Variants in SHANK2 observed in about 807,000 individuals in gnomAD.
The protein encoded by SHANK2 is SH3 and multiple ankyrin repeat domains 2, also known as SH3 and multiple ankyrin repeat domains protein 2.
Under a neutral mutation model 133.7 loss-of-function variants are expected in SHANK2, and 43 were observed. That is an observed-to-expected ratio of 0.32 (90% confidence interval 0.25 to 0.41). The LOEUF (loss-of-function observed/expected upper bound fraction) is 0.41, where lower values mean the gene tolerates loss of function less well. Ranked by LOEUF, SHANK2 falls within the 10% of genes least tolerant of loss-of-function variation. The pLI is 1.00. For synonymous variants in SHANK2, 1,017 were observed against 952.8 expected, an observed-to-expected ratio of 1.07 and a Z score of -1.24; for missense variants, 1,994 against 2,235.8, an observed-to-expected ratio of 0.89 and a Z score of 2.18.
At chr11:71,235,144 G>A (rs930122713) in intron 1 of SHANK2, among the ~76,000 whole-genome samples, 4 of 152,080 alleles carry the variant, frequency 2.6e-5, no homozygotes, top group Non-Finnish European at 4.4e-5. Context: ...AGTCCCTTTT[G>A]ACCCCACTGG....
At chr11:70,745,772 C>T (rs536231451) in intron 14 of SHANK2, among the ~76,000 whole-genome samples, 2 of 152,230 alleles carry the variant, frequency 1.3e-5, no homozygotes, top group Admixed American at 6.5e-5. Context: ...GGTCACCCGC[C>T]GCCTTGGAAG....
intron 2 of SHANK2, among the ~76,000 whole-genome samples, chr11:71,147,589 T>C (rs1952682294): frequency 6.6e-6 from 1 of 152,142 alleles, no homozygotes; most frequent in South Asian, 2.1e-4. Context: ...AGGAAAACCC[T>C]GCAAACTCTG....
chr11:70,905,546 G>T (rs1467104518), intron 10 of SHANK2, among the ~76,000 whole-genome samples: 2 of 152,200 alleles, frequency 1.3e-5, no homozygotes, highest in Non-Finnish European at 2.9e-5. Flanking sequence ...CAGTGTGAGG[G>T]TGTTAGGAGC....
intron 11 of SHANK2, among the ~76,000 whole-genome samples, chr11:70,831,550 C>T (rs1012198505): frequency 6.6e-6 from 1 of 152,208 alleles, no homozygotes; most frequent in African/African-American, 2.4e-5. Flanking sequence ...ACAGACTCAC[C>T]CCATACACTG....
At chr11:70,718,101 C>T (rs545083668) in intron 14 of SHANK2, among the ~76,000 whole-genome samples, 92 of 152,208 alleles carry the variant, frequency 6.0e-4, no homozygotes, top group Non-Finnish European at 8.8e-4. Flanking sequence ...TAAATAAGTA[C>T]GGGTGAAGGA....
intron 17 of SHANK2, among the ~76,000 whole-genome samples, chr11:70,610,538 G>A (rs2060644214): frequency 6.6e-6 from 1 of 152,218 alleles, no homozygotes; most frequent in Non-Finnish European, 1.5e-5. Context: ...CAGGCTGCTG[G>A]CCTTTGTTCT....
rs2060317518 is a variant in SHANK2, at chr11:70,591,298, G to A, written c.2061+68530C>T. On this transcript the variant is annotated intron_variant, in intron 17 of 25. Coordinates refer to ENST00000601538, the MANE Select transcript of SHANK2 (RefSeq NM_012309.5). Reference sequence around the variant, plus strand: ...ATCTGGGAGGCAGAGGTTGCAGTGAGCAGAGATCATGCCACTGCACTCCAG... The same window carrying A: ...ATCTGGGAGGCAGAGGTTGCAGTGAACAGAGATCATGCCACTGCACTCCAG... 2.0e-5 allele frequency among the ~76,000 whole-genome samples: 3 copies of A among 152,046 alleles called. No individual in the cohort carries two copies. In the South Asian group the frequency reaches 6.2e-4, roughly 32 times the overall value.
intron 11 of SHANK2, among the ~76,000 whole-genome samples, chr11:70,852,238 C>G (rs1007244123): frequency 6.6e-6 from 1 of 152,230 alleles, no homozygotes; most frequent in East Asian, 1.9e-4. Context: ...CCAGATTGTA[C>G]AGACCACAAA....
At chr11:70,618,884 C>T (rs2060792187) in intron 17 of SHANK2, among the ~76,000 whole-genome samples, 1 of 152,218 alleles carries the variant, frequency 6.6e-6, no homozygotes, top group East Asian at 1.9e-4. Flanking sequence ...ATCCAGCAAC[C>T]CTGAGAGGCG....
intron 14 of SHANK2, among the ~76,000 whole-genome samples, chr11:70,714,931 G>A (rs992433161): frequency 6.6e-6 from 1 of 151,322 alleles, no homozygotes; most frequent in Non-Finnish European, 1.5e-5. Context: ...TCAGCCTCCC[G>A]AGTAGCTGAA....
intron 2 of SHANK2, among the ~76,000 whole-genome samples, chr11:71,160,862 C>T (rs1953000203): frequency 6.6e-6 from 1 of 152,236 alleles, no homozygotes; most frequent in Non-Finnish European, 1.5e-5. Flanking sequence ...TCCACGTTGG[C>T]AGCCTTCATC....
In SHANK2 at chr11:70,473,130, C is replaced by G. The variant is rs782033372; in HGVS notation, c.5289G>C (p.Ser1763=). The change falls in exon 26 of 26, where the codon TCG becomes TCC. Residue 1763 remains serine (S), a synonymous_variant. Transcript: ENST00000601538. The surrounding 1 kb of genome is among the most constrained non-coding windows in gnomAD (Gnocchi z 5.9). ...GCTGTTGCAGTATCGAGGGGGATGG[C>G]GACCTACTGCGTCCCGCTGGGTTCA... ...FGLNPAGRSR[S]PSPSILQQPI... 6.2e-7 allele frequency: 1 copy of G among 1,614,120 alleles called. No homozygotes were observed. Among genetic ancestry groups the G allele is most frequent in the African/African-American group, 1.3e-5 (1 of 74,940 alleles).
intron 14 of SHANK2, among the ~76,000 whole-genome samples, chr11:70,734,694 G>T (rs1057425562): frequency 2.6e-5 from 4 of 152,332 alleles, no homozygotes; most frequent in African/African-American, 9.6e-5. Context: ...CACAGCCTGT[G>T]CCCTGGAGGC....
At chr11:71,167,861 T>C (rs1555111357) in intron 2 of SHANK2, among the ~76,000 whole-genome samples, 2 of 135,280 alleles carry the variant, frequency 1.5e-5, no homozygotes, top group Non-Finnish European at 3.2e-5. Flanking sequence ...CAGTTCCCAG[T>C]AGGGGCGGCC....
At chr11:70,702,161 C>T (rs1945538975) in intron 14 of SHANK2, among the ~76,000 whole-genome samples, 1 of 150,788 alleles carries the variant, frequency 6.6e-6, no homozygotes, top group African/African-American at 2.4e-5. Flanking sequence ...CCATCATCAC[C>T]AACATCATCA....
At chr11:70,633,032 G>A (rs1038239418) in intron 17 of SHANK2, among the ~76,000 whole-genome samples, 23 of 152,136 alleles carry the variant, frequency 1.5e-4, no homozygotes, top group African/African-American at 5.5e-4. Context: ...CCCCAGACCT[G>A]GGCATGAGGG....
At chr11:70,530,494 C>G (rs2059453710) in intron 17 of SHANK2, among the ~76,000 whole-genome samples, 1 of 152,240 alleles carries the variant, frequency 6.6e-6, no homozygotes, top group East Asian at 1.9e-4. Flanking sequence ...TATGATCATA[C>G]CACTGCACTC....
chr11:70,835,655 T>C (rs1555059875), intron 11 of SHANK2, among the ~76,000 whole-genome samples: 1 of 152,164 alleles, frequency 6.6e-6, no homozygotes, highest in East Asian at 1.9e-4. Context: ...CCATTCTCTT[T>C]CCACAGGACC....
chr11:70,477,092 AGCGGGAGC>A (rs1555150262), intron 25 of SHANK2, among the ~76,000 whole-genome samples: 1 of 152,204 alleles, frequency 6.6e-6, no homozygotes, highest in African/African-American at 2.4e-5. Flanking sequence ...CTCGGTGGGC[AGCGGGAGC>A]GCGAGAGTGG....
Sources: allele counts gnomAD v4.1 joint callset (sites outside exome capture counted in the v4.1 genomes callset), GRCh38; gene constraint gnomAD v4.1.1; non-coding constraint Gnocchi (gnomAD v3.1); transcripts MANE v1.5; gene names NCBI Gene and HGNC (gene_info 2026-07-23, HGNC 2026-07-21).